Variants in MAD1L1 observed in about 807,000 individuals in gnomAD.
MAD1L1 encodes the protein mitotic spindle assembly checkpoint protein MAD1.
In MAD1L1, 95 loss-of-function variants were observed where a neutral mutation model predicts 96.9. The ratio of observed to expected loss-of-function variants is 0.98; its 90% CI spans 0.83 to 1.16. The LOEUF (loss-of-function observed/expected upper bound fraction) is 1.16, where lower values mean the gene tolerates loss of function less well. MAD1L1 is among the 50% of genes most tolerant of loss of function. MAD1L1 has a pLI of 0.00. For synonymous variants in MAD1L1, 473 were observed against 396.6 expected (o/e 1.19, Z -2.29); for missense variants, 1,007 against 954.4 (o/e 1.06, Z -0.73).
At chr7:1,886,353 C>G (rs1786027131) in intron 18 of MAD1L1, among the ~76,000 whole-genome samples, 1 of 152,246 alleles carries the variant, frequency 6.6e-6, no homozygotes, top group Admixed American at 6.5e-5. Context: ...AACAGGGCAG[C>G]TACCAAGGTC....
intron 11 of MAD1L1, among the ~76,000 whole-genome samples, chr7:2,102,234 A>G (rs1014407896): frequency 7.4e-5 from 11 of 149,520 alleles, no homozygotes; most frequent in East Asian, 2.0e-4. Flanking sequence ...CGCCACCGCC[A>G]CCACCACCAC....
intron 14 of MAD1L1, among the ~76,000 whole-genome samples, chr7:1,997,279 G>A (rs918844823): frequency 1.3e-5 from 2 of 152,240 alleles, no homozygotes; most frequent in African/African-American, 4.8e-5. Context: ...GCTGGGAGAC[G>A]GGACGGGCAC....
At chr7:2,145,111 C>A (rs774813298) in intron 11 of MAD1L1, among the ~76,000 whole-genome samples, 5 of 152,178 alleles carry the variant, frequency 3.3e-5, no homozygotes, top group Non-Finnish European at 7.4e-5. Context: ...GAGAGCCCTG[C>A]CTGCTCCTGG....
At chr7:1,994,660 G>A (rs148193945) in intron 14 of MAD1L1, among the ~76,000 whole-genome samples, 1 of 152,104 alleles carries the variant, frequency 6.6e-6, no homozygotes, top group Non-Finnish European at 1.5e-5. Context: ...AGCCTCGGGG[G>A]GGGGATTAGC....
intron 11 of MAD1L1, among the ~76,000 whole-genome samples, chr7:2,129,257 C>T (rs111545312): frequency 6.6e-6 from 1 of 152,332 alleles, no homozygotes. Context: ...GGCCAGGGGG[C>T]AGGGAGGGAG....
At chr7:2,004,419 C>A (rs1018236132) in intron 13 of MAD1L1, among the ~76,000 whole-genome samples, 2 of 152,264 alleles carry the variant, frequency 1.3e-5, no homozygotes, top group African/African-American at 2.4e-5. Context: ...ACAGGTGAGG[C>A]ACATCGTCAT....
rs146307233 is a variant in MAD1L1, at chr7:2,039,061, G to C, written c.1219-24419C>G. Among the ~76,000 whole-genome samples the C allele has an allele frequency of 2.6e-4, 39 of 152,314 alleles. No homozygotes were observed. The East Asian group carries it at 7.5e-3, about 29-fold the overall frequency. Reference sequence around the variant, plus strand: ...CTGTGCGTCTCCGTAACTCACGGCAGCCATCCACAGGCTGTCTATCACTTC... The same window carrying C: ...CTGTGCGTCTCCGTAACTCACGGCACCCATCCACAGGCTGTCTATCACTTC... On this transcript the variant is annotated intron_variant, in intron 12 of 18. Transcript: ENST00000265854.
At chr7:2,171,062 C>T (rs1019628665) in intron 10 of MAD1L1, among the ~76,000 whole-genome samples, 8 of 152,242 alleles carry the variant, frequency 5.3e-5, no homozygotes, top group African/African-American at 1.9e-4. Context: ...GATAGTGCTT[C>T]AAAACGGCCC....
chr7:2,184,676 G>A (rs1791375034), intron 10 of MAD1L1, among the ~76,000 whole-genome samples: 1 of 152,224 alleles, frequency 6.6e-6, no homozygotes, highest in East Asian at 1.9e-4. Flanking sequence ...CAGCAAACGG[G>A]GAAACAAACA....
At chr7:1,952,601 C>T (rs1013121685) in intron 16 of MAD1L1, among the ~76,000 whole-genome samples, 3 of 152,120 alleles carry the variant, frequency 2.0e-5, no homozygotes, top group African/African-American at 7.2e-5. Flanking sequence ...AGGTGGCTCA[C>T]GCATGGGAGG....
intron 12 of MAD1L1, among the ~76,000 whole-genome samples, chr7:2,062,673 C>T (rs1449594511): frequency 6.6e-6 from 1 of 152,158 alleles, no homozygotes; most frequent in Non-Finnish European, 1.5e-5. Flanking sequence ...GGGTTGCTAA[C>T]TACCTGCTCT....
At chr7:1,889,731 G>C (rs1257113772) in intron 18 of MAD1L1, among the ~76,000 whole-genome samples, 1 of 152,176 alleles carries the variant, frequency 6.6e-6, no homozygotes, top group Non-Finnish European at 1.5e-5. Context: ...CCCCTCTGCA[G>C]GCCGGATGCT....
rs993068425 is a variant in MAD1L1, at chr7:2,105,763, C to T, written c.1074-36425G>A. ...CAGATGAGACCAGAAAGTCCAGGCA[C>T]GTGAGACGCCCAGCCAAAACCCCAG... On this transcript the variant is annotated intron_variant, in intron 11 of 18. Coordinates refer to ENST00000265854, the MANE Select transcript of MAD1L1 (RefSeq NM_001013836.2). Among the ~76,000 whole-genome samples the T allele has an allele frequency of 1.1e-4, 16 of 152,076 alleles. 1 individual carries two copies. The highest frequency in any genetic ancestry group is 3.9e-4 in the African/African-American group (16 of 41,388).
At position 1,903,321 on chromosome 7, in the gene MAD1L1, G is replaced by T. The variant is rs555464611; in HGVS notation, c.1808-4931C>A. ...CTGTTCCAGGCAGCGAGGACGCAGT[G>T]GCCTACGGAAGACACTCTTGCGGAA... On this transcript the variant is annotated intron_variant, in intron 17 of 18. Transcript: ENST00000265854. Among the ~76,000 whole-genome samples, 1,076 of 150,286 alleles carry T rather than the reference G, an allele frequency of 7.2e-3. 2 individuals carry two copies. Among genetic ancestry groups the T allele is most frequent in the African/African-American group, 0.025 (1,004 of 40,330 alleles).
intron 10 of MAD1L1, among the ~76,000 whole-genome samples, chr7:2,191,416 G>C (rs1791710494): frequency 6.6e-6 from 1 of 152,156 alleles, no homozygotes; most frequent in Admixed American, 6.5e-5. Context: ...TTTAGAGTTT[G>C]TTTTTACTTT....
intron 17 of MAD1L1, among the ~76,000 whole-genome samples, chr7:1,899,953 T>G (rs1373210594): frequency 3.3e-5 from 5 of 152,220 alleles, no homozygotes; most frequent in African/African-American, 4.8e-5. Context: ...CTCCCTGACC[T>G]GTGACTCTGA....
chr7:1,851,428 G>A (rs143137991), intron 18 of MAD1L1, among the ~76,000 whole-genome samples: 164 of 152,310 alleles, frequency 1.1e-3, no homozygotes, highest in African/African-American at 2.9e-3. Flanking sequence ...GACCTCGAAC[G>A]TGCCATCCTC....
chr7:2,023,130 C>T (rs910344851), intron 12 of MAD1L1, among the ~76,000 whole-genome samples: 2 of 152,116 alleles, frequency 1.3e-5, no homozygotes, highest in South Asian at 2.1e-4. Flanking sequence ...GGACAGATCC[C>T]GCAGGCAGAA....
chr7:1,911,803 C>G (rs967187519), intron 17 of MAD1L1, among the ~76,000 whole-genome samples: 2 of 152,264 alleles, frequency 1.3e-5, no homozygotes, highest in African/African-American at 4.8e-5. Flanking sequence ...GATGAAGCCC[C>G]TCTTGGGCAT....
Sources: allele counts gnomAD v4.1 joint callset (sites outside exome capture counted in the v4.1 genomes callset), GRCh38; gene constraint gnomAD v4.1.1; transcripts MANE v1.5; gene names NCBI Gene and HGNC (gene_info 2026-07-23, HGNC 2026-07-21).